PTH2R: variants seen among roughly 807,000 people sequenced by gnomAD.
The protein encoded by PTH2R is parathyroid hormone 2 receptor.
A neutral mutation model predicts 60.3 loss-of-function variants in PTH2R; 59 were observed. That is an observed-to-expected ratio of 0.98 (90% CI 0.79 to 1.22). The LOEUF (loss-of-function observed/expected upper bound fraction) is 1.22, where lower values mean the gene tolerates loss of function less well. Among genes scored for constraint, PTH2R ranks in the 50% most tolerant of loss-of-function variants. The pLI is 0.00. For synonymous variants in PTH2R, 256 were observed against 243.8 expected (o/e 1.05, Z -0.47); for missense variants, 749 against 682.6 (o/e 1.10, Z -1.08).
intron 1 of PTH2R, among the ~76,000 whole-genome samples, chr2:208,381,981 C>T (rs1283796674): frequency 6.6e-6 from 1 of 152,122 alleles, no homozygotes; most frequent in African/African-American, 2.4e-5. Flanking sequence ...TATCTGGTGT[C>T]TCTGCTCAAA....
chr2:208,438,698 A>C (rs1427301891), intron 4 of PTH2R, among the ~76,000 whole-genome samples: 1 of 152,204 alleles, frequency 6.6e-6, no homozygotes, highest in Non-Finnish European at 1.5e-5. Flanking sequence ...GCTTTATGAA[A>C]ACCCTGAGAA....
At chr2:208,359,970 G>A (rs1474459494) in exon 1 of PTH2R, 2 of 278,102 alleles carry the variant, frequency 7.2e-6, no homozygotes, top group Non-Finnish European at 1.5e-5. Context: ...TGCTGGGCGG[G>A]AGGAGCGGAT....
intron 9 of PTH2R, among the ~76,000 whole-genome samples, chr2:208,462,858 AG>A (rs1702661224): frequency 6.6e-6 from 1 of 152,214 alleles, no homozygotes; most frequent in African/African-American, 2.4e-5. Flanking sequence ...GCTGCAAAGG[AG>A]GCCGGGCCAG....
At chr2:208,429,628 A>G (rs969247873) in intron 2 of PTH2R, among the ~76,000 whole-genome samples, 36 of 152,172 alleles carry the variant, frequency 2.4e-4, no homozygotes, top group Non-Finnish European at 2.2e-4. Context: ...ATTGTGATAA[A>G]ATATACATAG....
chr2:208,446,044 C>T (rs1008742324), intron 7 of PTH2R, among the ~76,000 whole-genome samples: 1 of 152,092 alleles, frequency 6.6e-6, no homozygotes, highest in Non-Finnish European at 1.5e-5. Context: ...TGTGAACCCA[C>T]ATAATTATTA....
At chr2:208,384,340 G>T (rs1700968448) in intron 1 of PTH2R, among the ~76,000 whole-genome samples, 1 of 152,204 alleles carries the variant, frequency 6.6e-6, no homozygotes, top group African/African-American at 2.4e-5. Flanking sequence ...AATAGGGCAT[G>T]ACAGTGTGGA....
upstream of PTH2R, among the ~76,000 whole-genome samples, chr2:208,406,201 A>C (rs901827129): frequency 6.6e-6 from 1 of 152,196 alleles, no homozygotes; most frequent in Non-Finnish European, 1.5e-5. Flanking sequence ...GTTGTAATAC[A>C]ATTGGCCAAT....
chr2:208,475,918 T>A (rs192308945), intron 9 of PTH2R, among the ~76,000 whole-genome samples: 1 of 152,280 alleles, frequency 6.6e-6, no homozygotes, highest in East Asian at 1.9e-4. Flanking sequence ...GAATATTGAA[T>A]GACATTGAAT....
rs184497442 is a variant in PTH2R at position 208,394,932 on chromosome 2, G to A, written c.-258-33269G>A. Among the ~76,000 whole-genome samples, 18 of 152,274 alleles carry A rather than the reference G, an allele frequency of 1.2e-4. 1 individual carries two copies. In the East Asian group the frequency reaches 3.3e-3, roughly 28 times the overall value. ...AACGCAGGAACTGAATGGCCATTTT[G>A]CTGCTGATGGGACAATAACGAGACT... On this transcript the variant is annotated intron_variant, in intron 1 of 12. Transcript: ENST00000617735.
At chr2:208,395,332 C>G (rs1701188485) in intron 1 of PTH2R, among the ~76,000 whole-genome samples, 1 of 152,092 alleles carries the variant, frequency 6.6e-6, no homozygotes, top group African/African-American at 2.4e-5. Flanking sequence ...AGGCATGAAC[C>G]ACCACGCCCG....
Position 208,476,797 on chromosome 2 carries a change from TG to T in PTH2R, c.982-4269del, listed in dbSNP as rs536702247. Among the ~76,000 whole-genome samples, 116 of 152,124 alleles carry T rather than the reference TG, an allele frequency of 7.6e-4. 1 individual carries two copies. The highest frequency in any genetic ancestry group is 3.4e-3 in the Middle Eastern group (1 of 290). The stretch of plus-strand genomic sequence containing the variant: ...GGAGAACCTTATTGCTGCGGGAGGC[TG>T]GGGTGGATGATGTGACCCTAGCTCA... On this transcript the variant is annotated intron_variant, in intron 9 of 12. Transcript: ENST00000272847.
At chr2:208,453,145 A>G (rs1702440832) in intron 8 of PTH2R, among the ~76,000 whole-genome samples, 4 of 152,176 alleles carry the variant, frequency 2.6e-5, no homozygotes, top group Admixed American at 2.6e-4. Flanking sequence ...TACCTCAGAG[A>G]GGTAAAACTT....
chr2:208,472,817 CT>C (rs1226094687), intron 9 of PTH2R, among the ~76,000 whole-genome samples: 1 of 152,178 alleles, frequency 6.6e-6, no homozygotes, highest in Non-Finnish European at 1.5e-5. Context: ...ATTTCAGAGT[CT>C]TTTTTTGCAT....
intron 9 of PTH2R, among the ~76,000 whole-genome samples, chr2:208,471,538 A>G (rs959429385): frequency 6.6e-6 from 1 of 152,220 alleles, no homozygotes; most frequent in African/African-American, 2.4e-5. Context: ...CTGTAAGTAT[A>G]CAGAAGTCAA....
intron 7 of PTH2R, among the ~76,000 whole-genome samples, chr2:208,445,110 T>A (rs559141952): frequency 6.6e-6 from 1 of 152,322 alleles, no homozygotes; most frequent in South Asian, 2.1e-4. Context: ...GTGGATAGTG[T>A]TCTTAGGCCA....
At chr2:208,412,361 C>G (rs781768339) in intron 1 of PTH2R, among the ~76,000 whole-genome samples, 1 of 152,226 alleles carries the variant, frequency 6.6e-6, no homozygotes, top group Non-Finnish European at 1.5e-5. Context: ...AGAACATTGG[C>G]CACTGCTGCT....
intron 2 of PTH2R, 73 bp downstream of exon 2, chr2:208,428,376 T>G: frequency 9.4e-7 from 1 of 1,066,378 alleles, no homozygotes; most frequent in Non-Finnish European, 1.4e-6. Context: ...ATTTCCCTCC[T>G]TCTTTAGTGT....
intron 1 of PTH2R, among the ~76,000 whole-genome samples, chr2:208,425,752 C>T (rs1007549244): frequency 1.3e-5 from 2 of 152,196 alleles, no homozygotes; most frequent in Non-Finnish European, 2.9e-5. Flanking sequence ...TCTTCCTTGG[C>T]TAGAGAGCAG....
intron 9 of PTH2R, among the ~76,000 whole-genome samples, chr2:208,468,963 G>T (rs1480866032): frequency 6.6e-6 from 1 of 152,226 alleles, no homozygotes; most frequent in South Asian, 2.1e-4. Context: ...GAAGAGGAAA[G>T]AGGCAAAGTA....
Sources: allele counts gnomAD v4.1 joint callset (sites outside exome capture counted in the v4.1 genomes callset), GRCh38; gene constraint gnomAD v4.1.1; transcripts MANE v1.5; gene names NCBI Gene and HGNC (gene_info 2026-07-23, HGNC 2026-07-21).